KIAA0232: variants seen among roughly 807,000 people sequenced by gnomAD.
KIAA0232 encodes KIAA0232.
KIAA0232 carries 27 observed loss-of-function variants against 122.0 expected under a neutral mutation model. That is an observed-to-expected ratio of 0.22 (90% CI 0.16 to 0.31). KIAA0232 has a LOEUF of 0.31. Ranked by LOEUF, KIAA0232 falls within the 10% of genes least tolerant of loss-of-function variation. The pLI, the probability that KIAA0232 is intolerant of heterozygous loss-of-function variation, is 1.00. For missense variants in KIAA0232, 1,551 were observed against 1,634.2 expected (o/e 0.95, Z 0.88); for synonymous variants, 613 against 587.6 (o/e 1.04, Z -0.63).
chr4:6,859,894 A>T (rs1720765521), intron 6 of KIAA0232, among the ~76,000 whole-genome samples: 3 of 152,194 alleles, frequency 2.0e-5, no homozygotes, highest in Non-Finnish European at 4.4e-5. Flanking sequence ...AAGCCCCCTG[A>T]AACCAGCCTC....
chr4:6,841,903 C>T (rs1469077994), intron 3 of KIAA0232, among the ~76,000 whole-genome samples, 164 bp from the exon 4 acceptor site: 1 of 152,082 alleles, frequency 6.6e-6, no homozygotes, highest in Admixed American at 6.5e-5. Flanking sequence ...CAAGATAATC[C>T]GTCTTGGAAT....
chr4:6,845,769 G>C (rs745940132), intron 4 of KIAA0232, among the ~76,000 whole-genome samples: 1 of 152,140 alleles, frequency 6.6e-6, no homozygotes, highest in African/African-American at 2.4e-5. Flanking sequence ...TTGACTCACG[G>C]TTAAGCTGGG....
chr4:6,809,431 C>G (rs1331398945), intron 2 of KIAA0232, among the ~76,000 whole-genome samples: 1 of 152,112 alleles, frequency 6.6e-6, no homozygotes, highest in Non-Finnish European at 1.5e-5. Context: ...CTCTGGCCCC[C>G]TAGACTAGCA....
chr4:6,837,398 C>T (rs1032416034), intron 3 of KIAA0232, among the ~76,000 whole-genome samples: 5 of 149,936 alleles, frequency 3.3e-5, no homozygotes, highest in East Asian at 2.0e-4. Context: ...GACGGGATGA[C>T]GGCCGGGAAG....
At chr4:6,865,281 G>A (rs1447966469) in intron 7 of KIAA0232, among the ~76,000 whole-genome samples, 1 of 152,036 alleles carries the variant, frequency 6.6e-6, no homozygotes, top group Admixed American at 6.6e-5. Context: ...TCCAGAAATA[G>A]TTTATTTAAT....
At chr4:6,835,338 G>A (rs1365721567) in intron 3 of KIAA0232, among the ~76,000 whole-genome samples, 1 of 152,066 alleles carries the variant, frequency 6.6e-6, no homozygotes, top group Non-Finnish European at 1.5e-5. Flanking sequence ...AGTTCAAGGG[G>A]AAGAAGCATC....
chr4:6,805,552 A>G (rs1304484874), intron 2 of KIAA0232, among the ~76,000 whole-genome samples: 1 of 152,190 alleles, frequency 6.6e-6, no homozygotes, highest in Non-Finnish European at 1.5e-5. Flanking sequence ...TGAGTTACAG[A>G]ATTTTATGCT....
chr4:6,811,838 A>G (rs974645913), intron 2 of KIAA0232, among the ~76,000 whole-genome samples: 1 of 129,734 alleles, frequency 7.7e-6, no homozygotes, highest in Admixed American at 8.5e-5. Context: ...AATCTACCCT[A>G]TTTTAACCTT....
chr4:6,798,831 C>T (rs1029621643), intron 1 of KIAA0232, among the ~76,000 whole-genome samples: 5 of 152,176 alleles, frequency 3.3e-5, no homozygotes, highest in African/African-American at 9.7e-5. Flanking sequence ...GGATTATAGG[C>T]GTGAGCCACC....
intron 2 of KIAA0232, among the ~76,000 whole-genome samples, chr4:6,820,680 G>A (rs1718381959): frequency 6.6e-6 from 1 of 151,906 alleles, no homozygotes; most frequent in African/African-American, 2.4e-5. Flanking sequence ...TATTATTTTT[G>A]TTTAAGCAAT....
Position 6,861,667 on chromosome 4 carries a change from G to C in KIAA0232, c.1285G>C (p.Asp429His), listed in dbSNP as rs1720876858. Reference protein sequence around the residue: ...KLETTYRNRQDTSDLTSEAVE... With the variant: ...KLETTYRNRQHTSDLTSEAVE... ...AGAGACCACATACCGAAACAGACAG[G>C]ATACAAGTGATCTGACATCAGAGGC... is the stretch of plus-strand genomic sequence containing the variant. Residue 429 changes from aspartate to histidine, a missense_variant, in exon 7 of 10, where the codon GAT (aspartate) becomes CAT (histidine). By Grantham distance (81) the Asp-to-His change is moderately conservative. This residue lies in a region of KIAA0232 where 1,108 missense variants were observed against 1,154.8 expected (regional missense o/e 0.96). Coordinates refer to ENST00000307659, the MANE Select transcript of KIAA0232 (RefSeq NM_014743.3). 2.5e-6 allele frequency: 4 copies of C among 1,613,978 alleles called. No individual in the cohort carries two copies. The highest frequency in any genetic ancestry group is 1.1e-5 in the South Asian group (1 of 91,082).
intron 4 of KIAA0232, among the ~76,000 whole-genome samples, chr4:6,850,735 C>T (rs998811277): frequency 3.3e-5 from 5 of 151,358 alleles, no homozygotes; most frequent in African/African-American, 9.7e-5. Flanking sequence ...GGCGTTATCT[C>T]AGTCAGCTCA....
intron 1 of KIAA0232, among the ~76,000 whole-genome samples, chr4:6,797,798 G>A (rs1206113456): frequency 3.3e-5 from 5 of 149,816 alleles, no homozygotes; most frequent in African/African-American, 4.9e-5. Context: ...AAGGCCGGGC[G>A]CGGTGGCTCA....
chr4:6,831,753 C>T (rs886866731), intron 3 of KIAA0232, among the ~76,000 whole-genome samples: 9 of 152,224 alleles, frequency 5.9e-5, no homozygotes, highest in African/African-American at 2.2e-4. Flanking sequence ...AGCAGAGTGC[C>T]CTCTGCTTCC....
chr4:6,845,051 C>G (rs1719878886), intron 4 of KIAA0232, among the ~76,000 whole-genome samples: 1 of 152,236 alleles, frequency 6.6e-6, no homozygotes, highest in African/African-American at 2.4e-5. Flanking sequence ...CCCTCTCTGT[C>G]CAAACTCTGG....
At chr4:6,879,239 A>C (rs1721926772) in intron 9 of KIAA0232, among the ~76,000 whole-genome samples, 1 of 152,050 alleles carries the variant, frequency 6.6e-6, no homozygotes, top group African/African-American at 2.4e-5. Flanking sequence ...TTCAGTCCTC[A>C]CAACGACCCT....
At chr4:6,786,278 C>T (rs552847574) in intron 1 of KIAA0232, among the ~76,000 whole-genome samples, 85 of 152,164 alleles carry the variant, frequency 5.6e-4, no homozygotes, top group Middle Eastern at 3.4e-3. Flanking sequence ...TTTATTTTTT[C>T]TGACCCTGGC....
chr4:6,795,107 G>T (rs1717071542), intron 1 of KIAA0232, among the ~76,000 whole-genome samples: 1 of 150,910 alleles, frequency 6.6e-6, no homozygotes, highest in Non-Finnish European at 1.5e-5. Flanking sequence ...GTCTCACTCT[G>T]TCGCCCAGGC....
At chr4:6,875,555 G>A (rs1293502381) in intron 8 of KIAA0232, among the ~76,000 whole-genome samples, 1 of 152,184 alleles carries the variant, frequency 6.6e-6, no homozygotes, top group Non-Finnish European at 1.5e-5. Flanking sequence ...CCTTGGCACA[G>A]CCTCGCTACT....
Sources: allele counts gnomAD v4.1 joint callset (sites outside exome capture counted in the v4.1 genomes callset), GRCh38; gene constraint gnomAD v4.1.1; regional missense constraint gnomAD v4.1.1; transcripts MANE v1.5; gene names NCBI Gene and HGNC (gene_info 2026-07-23, HGNC 2026-07-21).